RPS6KA5: variants seen among roughly 807,000 people sequenced by gnomAD.
RPS6KA5 encodes the protein ribosomal protein S6 kinase alpha-5.
Under a neutral mutation model 85.5 loss-of-function variants are expected in RPS6KA5, and 27 were observed. The observed-to-expected ratio is 0.32, with a 90% CI of 0.23 to 0.44. RPS6KA5 has a LOEUF of 0.44. Ranked by LOEUF, RPS6KA5 falls within the 20% of genes least tolerant of loss-of-function variation. RPS6KA5 has a pLI of 1.00. For synonymous variants in RPS6KA5, 334 were observed against 348.2 expected (o/e 0.96, Z 0.46); for missense variants, 811 against 980.9 (o/e 0.83, Z 2.31).
intron 12 of RPS6KA5, among the ~76,000 whole-genome samples, chr14:90,895,784 G>A (rs1317434692): frequency 1.3e-5 from 2 of 152,176 alleles, no homozygotes; most frequent in Non-Finnish European, 2.9e-5. Context: ...CAGCTACTCA[G>A]GAGGCTGAGG....
chr14:90,902,480 G>C (rs1488983237), intron 9 of RPS6KA5, among the ~76,000 whole-genome samples: 1 of 152,102 alleles, frequency 6.6e-6, no homozygotes, highest in Non-Finnish European at 1.5e-5. Flanking sequence ...GTGAGACCCT[G>C]TCTATATAAA....
chr14:90,894,289 A>T (rs945672114), intron 13 of RPS6KA5, 124 bp downstream of exon 13: 3 of 1,301,442 alleles, frequency 2.3e-6, no homozygotes, highest in Non-Finnish European at 2.9e-6. Context: ...ATTTTCAATT[A>T]TCTATTTAAC....
At chr14:90,887,780 G>A (rs535157357) in intron 14 of RPS6KA5, among the ~76,000 whole-genome samples, 4 of 146,222 alleles carry the variant, frequency 2.7e-5, no homozygotes, top group Non-Finnish European at 4.5e-5. Flanking sequence ...AACAAAGCAA[G>A]ACTTCTTTTC....
chr14:90,955,156 C>T (rs2038433130), intron 3 of RPS6KA5, among the ~76,000 whole-genome samples: 1 of 152,152 alleles, frequency 6.6e-6, no homozygotes, highest in Non-Finnish European at 1.5e-5. Context: ...TTTTATGTAT[C>T]TTAAGGTGGA....
At chr14:90,999,816 T>G (rs139131260) in intron 2 of RPS6KA5, among the ~76,000 whole-genome samples, 9 of 152,306 alleles carry the variant, frequency 5.9e-5, no homozygotes, top group African/African-American at 2.2e-4. Context: ...CACATCCCCC[T>G]TAAGTCAGCC....
chr14:90,894,025 C>A (rs2034697447), intron 13 of RPS6KA5: 3 of 908,970 alleles, frequency 3.3e-6, no homozygotes, highest in Non-Finnish European at 1.3e-6. Flanking sequence ...AATTTGATTA[C>A]AAATGTAAAA....
Position 90,850,790 on chromosome 14 carries a change from C to T in RPS6KA5, c.*21284G>A, listed in dbSNP as rs776316689. On this transcript the variant is annotated 3_prime_UTR_variant, in exon 17 of 17. Coordinates refer to ENST00000614987, the MANE Select transcript of RPS6KA5 (RefSeq NM_004755.4). Reference sequence around the variant, plus strand: ...GTATGTGCTGAAAACACTGCTATGACGACAGTTTGATCTGATCATCTATGC... The same window carrying T: ...GTATGTGCTGAAAACACTGCTATGATGACAGTTTGATCTGATCATCTATGC... 5.9e-5 allele frequency: 9 copies of T among 152,134 alleles called. No homozygotes were observed. The highest frequency in any genetic ancestry group is 1.0e-4 in the Non-Finnish European group (7 of 68,026). 9.4% of individuals were successfully genotyped at this position (152,134 alleles called of 1,614,324 possible).
At chr14:90,910,179 C>A (rs982772332) in intron 7 of RPS6KA5, among the ~76,000 whole-genome samples, 1 of 152,144 alleles carries the variant, frequency 6.6e-6, no homozygotes, top group Non-Finnish European at 1.5e-5. Context: ...AAAGCAAGAC[C>A]TTGCCTTATA....
At chr14:90,984,558 C>T (rs1163634047) in intron 2 of RPS6KA5, among the ~76,000 whole-genome samples, 1 of 152,172 alleles carries the variant, frequency 6.6e-6, no homozygotes, top group Non-Finnish European at 1.5e-5. Context: ...GACAGCAAAA[C>T]GTTGACAATC....
chr14:91,016,879 A>C (rs2041521554), intron 1 of RPS6KA5, among the ~76,000 whole-genome samples: 1 of 152,086 alleles, frequency 6.6e-6, no homozygotes, highest in African/African-American at 2.4e-5. Flanking sequence ...AAAAAAAAAA[A>C]AAAAACTGAA....
rs2032980450 is a variant in RPS6KA5 at position 90,869,728 on chromosome 14, A to G, written c.*2346T>C. ...AAAGCTTTCTGAATTTTAAAGTGCAATTCACTGTATGTTAATACACAGCCT... is the reference window on the plus strand; with the variant it reads ...AAAGCTTTCTGAATTTTAAAGTGCAGTTCACTGTATGTTAATACACAGCCT... On this transcript the variant is annotated 3_prime_UTR_variant, in exon 17 of 17. Transcript: ENST00000614987. 1 of 152,186 alleles carries G rather than the reference A, an allele frequency of 6.6e-6. No homozygotes were observed. The highest frequency in any genetic ancestry group is 6.5e-5 in the Admixed American group (1 of 15,284). 9.4% of individuals were successfully genotyped at this position (152,186 alleles called of 1,614,324 possible).
rs903687753 is a variant in RPS6KA5 at position 90,870,074 on chromosome 14, T to C, written c.*2000A>G. The C allele has an allele frequency of 4.6e-5, 7 of 152,236 alleles. No individual in the cohort carries two copies. Among genetic ancestry groups the C allele is most frequent in the Non-Finnish European group, 1.0e-4 (7 of 68,032 alleles). The allele number at this position is 152,236 out of a possible 1,614,324, so 9.4% of individuals were successfully genotyped here. A position where few individuals can be genotyped will look rare whatever the true frequency, so the allele number is the denominator to read the frequency against. ...TCAATCACATCATCAATCTGTATAC[T>C]GTCTGACCATTTTTCTGGATCATTT... On this transcript the variant is annotated 3_prime_UTR_variant, in exon 17 of 17. Transcript: ENST00000614987.
chr14:91,025,729 G>T (rs1382186216), intron 1 of RPS6KA5, among the ~76,000 whole-genome samples: 4 of 151,578 alleles, frequency 2.6e-5, no homozygotes, highest in African/African-American at 9.7e-5. Context: ...GTCTCTCAGA[G>T]GTGTTCTAAA....
chr14:90,931,135 C>A (rs940340524), intron 5 of RPS6KA5, among the ~76,000 whole-genome samples: 3 of 152,160 alleles, frequency 2.0e-5, no homozygotes, highest in African/African-American at 7.2e-5. Flanking sequence ...TGAGAGCAAT[C>A]CAAATGTCCA....
chr14:90,912,673 T>G (rs1209044723), intron 7 of RPS6KA5, among the ~76,000 whole-genome samples: 1 of 152,138 alleles, frequency 6.6e-6, no homozygotes, highest in Non-Finnish European at 1.5e-5. Context: ...TCACTTCACT[T>G]TTGGTGTTAC....
chr14:91,046,319 C>T (rs1039012459), intron 1 of RPS6KA5, among the ~76,000 whole-genome samples: 1 of 152,130 alleles, frequency 6.6e-6, no homozygotes, highest in African/African-American at 2.4e-5. Context: ...TTATACAAGA[C>T]AAAATTAGGT....
intron 3 of RPS6KA5, among the ~76,000 whole-genome samples, chr14:90,972,734 A>C (rs939418308): frequency 3.9e-5 from 6 of 152,248 alleles, no homozygotes; most frequent in Admixed American, 1.3e-4. Context: ...CCATAAAAAT[A>C]ATTTTAAAAA....
intron 3 of RPS6KA5, among the ~76,000 whole-genome samples, chr14:90,960,146 A>T (rs373265070): frequency 1.3e-5 from 2 of 152,272 alleles, no homozygotes; most frequent in Admixed American, 6.5e-5. Flanking sequence ...GCTTAAGAAA[A>T]GTGAGACGGA....
At chr14:90,953,715 CT>C (rs1424187495) in intron 3 of RPS6KA5, among the ~76,000 whole-genome samples, 2 of 152,292 alleles carry the variant, frequency 1.3e-5, no homozygotes, top group East Asian at 3.9e-4. Context: ...GAGTGTCTGT[CT>C]TATGCAGTTG....
Sources: gnomAD v4.1 joint callset for allele counts (sites outside exome capture counted in the v4.1 genomes callset) on GRCh38, gnomAD v4.1.1 for gene constraint, MANE v1.5 for transcripts, NCBI Gene and HGNC (gene_info 2026-07-23, HGNC 2026-07-21) for gene names.